Variants in SOX5 observed in about 807,000 individuals in gnomAD.
SOX5 encodes transcription factor SOX-5.
SOX5 carries 9 observed loss-of-function variants against 92.0 expected under a neutral mutation model. The ratio of observed to expected loss-of-function variants is 0.10; its 90% CI spans 0.06 to 0.17. SOX5 has a LOEUF of 0.17. Among genes scored for constraint, SOX5 ranks in the 10% least tolerant of loss-of-function variants. The pLI is 1.00. For missense variants in SOX5, 642 were observed against 944.5 expected, an observed-to-expected ratio of 0.68 and a Z score of 4.20; for synonymous variants, 344 against 336.3, an observed-to-expected ratio of 1.02 and a Z score of -0.25.
At chr12:24,088,563 A>G (rs752156659) in intron 4 of SOX5, among the ~76,000 whole-genome samples, 3 of 151,912 alleles carry the variant, frequency 2.0e-5, no homozygotes, top group African/African-American at 4.8e-5. Flanking sequence ...CTAAGCAAAT[A>G]TTCTAGAGAT....
intron 4 of SOX5, among the ~76,000 whole-genome samples, chr12:24,196,293 A>C (rs1283822478): frequency 6.6e-6 from 1 of 152,262 alleles, no homozygotes; most frequent in Non-Finnish European, 1.5e-5. Flanking sequence ...GTAATTAAAA[A>C]ATCATATGTA....
At chr12:24,154,152 C>T (rs1396603851) in intron 4 of SOX5, among the ~76,000 whole-genome samples, 2 of 152,172 alleles carry the variant, frequency 1.3e-5, no homozygotes, top group East Asian at 3.9e-4. Flanking sequence ...TAAACTACAC[C>T]TCACCCACAA....
At chr12:24,377,019 G>T (rs912739307) in intron 1 of SOX5, among the ~76,000 whole-genome samples, 6 of 152,062 alleles carry the variant, frequency 3.9e-5, no homozygotes, top group Admixed American at 1.3e-4. Flanking sequence ...CACTGGGCCA[G>T]CCATCCTCTG....
At chr12:24,093,807 G>A (rs984472497) in intron 4 of SOX5, among the ~76,000 whole-genome samples, 2 of 151,322 alleles carry the variant, frequency 1.3e-5, no homozygotes, top group African/African-American at 4.9e-5. Context: ...TTGCCAAATT[G>A]CTCTCCCAAA....
intron 3 of SOX5, among the ~76,000 whole-genome samples, chr12:23,804,514 A>G (rs551014559): frequency 6.6e-6 from 1 of 152,244 alleles, no homozygotes; most frequent in South Asian, 2.1e-4. Flanking sequence ...CCTAACCCAT[A>G]AAGTTTCAAC....
At chr12:23,775,570 T>A (rs1445038333) in intron 3 of SOX5, among the ~76,000 whole-genome samples, 2 of 152,198 alleles carry the variant, frequency 1.3e-5, no homozygotes, top group African/African-American at 2.4e-5. Flanking sequence ...TCCAGGGTAA[T>A]CCTTATTATT....
intron 1 of SOX5, among the ~76,000 whole-genome samples, chr12:24,430,169 C>T (rs552776924): frequency 1.5e-4 from 23 of 152,108 alleles, no homozygotes; most frequent in Non-Finnish European, 3.2e-4. Context: ...CACGATGCTT[C>T]CTTAAAGAAA....
intron 8 of SOX5, among the ~76,000 whole-genome samples, chr12:23,613,178 A>G (rs2076163374): frequency 6.6e-6 from 1 of 152,134 alleles, no homozygotes; most frequent in South Asian, 2.1e-4. Flanking sequence ...CACATGTCGA[A>G]GGTATAAAAA....
intron 4 of SOX5, among the ~76,000 whole-genome samples, chr12:24,149,815 TG>T (rs1463448848): frequency 3.3e-5 from 5 of 152,080 alleles, no homozygotes; most frequent in Admixed American, 6.6e-5. Flanking sequence ...ATACATAAAA[TG>T]GGATATTGCT....
At chr12:24,066,005 T>C (rs12304568) in intron 4 of SOX5, among the ~76,000 whole-genome samples, 2,748 of 152,270 alleles carry the variant, frequency 0.018, 77 homozygotes, top group African/African-American at 0.062. Flanking sequence ...TCTTTTATTC[T>C]TTCATTTGGG....
At chr12:24,358,933 G>A (rs1024397955) in intron 2 of SOX5, among the ~76,000 whole-genome samples, 8 of 152,112 alleles carry the variant, frequency 5.3e-5, no homozygotes, top group Admixed American at 1.3e-4. Context: ...AAAGTCTCAC[G>A]TTTACCTTAG....
At chr12:23,711,655 C>T (rs75702221) in intron 6 of SOX5, among the ~76,000 whole-genome samples, 10,658 of 151,866 alleles carry the variant, frequency 0.07, 479 homozygotes, top group East Asian at 0.13. Context: ...ATTTGTTATA[C>T]GTAAGCAAAA....
intron 1 of SOX5, among the ~76,000 whole-genome samples, chr12:24,528,086 T>C (rs915771162): frequency 4.6e-5 from 7 of 152,182 alleles, no homozygotes; most frequent in African/African-American, 1.7e-4. Flanking sequence ...TATTTCAGGG[T>C]CAAACATAGG....
chr12:24,136,276 C>T (rs183150163), intron 4 of SOX5, among the ~76,000 whole-genome samples: 59 of 152,306 alleles, frequency 3.9e-4, no homozygotes, highest in Non-Finnish European at 7.2e-4. Flanking sequence ...AGGGGAGACA[C>T]GCAGTGGAGT....
intron 9 of SOX5, among the ~76,000 whole-genome samples, chr12:23,600,550 T>TATATATATATAC (rs1555191125): frequency 7.9e-6 from 1 of 126,818 alleles, no homozygotes; most frequent in Non-Finnish European, 1.7e-5. Flanking sequence ...TATATATATA[T>TATATATATATAC]ATACACATAC....
intron 4 of SOX5, among the ~76,000 whole-genome samples, chr12:24,129,519 G>A (rs1471925953): frequency 6.6e-6 from 1 of 152,106 alleles, no homozygotes; most frequent in African/African-American, 2.4e-5. Flanking sequence ...AATTGTGCAG[G>A]GATGGATGGG....
intron 1 of SOX5, among the ~76,000 whole-genome samples, chr12:24,465,377 T>G (rs1456594318): frequency 2.0e-5 from 3 of 152,246 alleles, no homozygotes; most frequent in Non-Finnish European, 4.4e-5. Flanking sequence ...CAACTACAAC[T>G]ATGAAGTAAG....
chr12:24,196,851 C>G (rs372608215), intron 4 of SOX5, among the ~76,000 whole-genome samples: 3 of 152,022 alleles, frequency 2.0e-5, no homozygotes, highest in Non-Finnish European at 2.9e-5. Flanking sequence ...TGCAGTGAGT[C>G]GAGATCATAC....
At chr12:24,345,046 T>G (rs1953069812) in intron 2 of SOX5, among the ~76,000 whole-genome samples, 1 of 152,218 alleles carries the variant, frequency 6.6e-6, no homozygotes, top group Non-Finnish European at 1.5e-5. Flanking sequence ...TTAAATGCAC[T>G]GTCATCTTGC....
Sources: gnomAD v4.1 joint callset for allele counts (sites outside exome capture counted in the v4.1 genomes callset) on GRCh38, gnomAD v4.1.1 for gene constraint, MANE v1.5 for transcripts, NCBI Gene and HGNC (gene_info 2026-07-23, HGNC 2026-07-21) for gene names.